The following LARGE1 variants were observed in gnomAD, a reference collection of about 807,000 sequenced individuals.
LARGE1 encodes xylosyl- and glucuronyltransferase LARGE1.
A neutral mutation model predicts 87.6 loss-of-function variants in LARGE1; 43 were observed. The ratio of observed to expected loss-of-function variants is 0.49; its 90% CI spans 0.38 to 0.63. The LOEUF (loss-of-function observed/expected upper bound fraction) is 0.63, where lower values mean the gene tolerates loss of function less well. LARGE1 is among the 30% of genes least tolerant of loss of function. The pLI, the probability that LARGE1 is intolerant of heterozygous loss-of-function variation, is 0.00. For missense variants in LARGE1, 802 were observed against 1,000.2 expected (o/e 0.80, Z 2.67); for synonymous variants, 434 against 394.6 (o/e 1.10, Z -1.18).
intron 6 of LARGE1, among the ~76,000 whole-genome samples, chr22:33,466,188 CCAACT>C (rs1361981684): frequency 1.3e-5 from 2 of 152,194 alleles, no homozygotes; most frequent in Non-Finnish European, 2.9e-5. Context: ...AATGCTCACC[CCAACT>C]CTTGTCATGG....
chr22:33,262,016 C>G lies in LARGE1; in HGVS notation c.1730+42213G>C, dbSNP rs985925705. On this transcript the variant is annotated intron_variant, in intron 11 of 11. Transcript: ENST00000608642. Reference sequence around the variant, plus strand: ...AAATAACGGATAAAGAAAGAGTTCTCTAGCAAACGATGCCATGTATTGATG... The same window carrying G: ...AAATAACGGATAAAGAAAGAGTTCTGTAGCAAACGATGCCATGTATTGATG... Among the ~76,000 whole-genome samples the G allele has an allele frequency of 1.2e-4, 19 of 152,352 alleles. 1 individual carries two copies. In the East Asian group the frequency reaches 3.7e-3, roughly 29 times the overall value.
intron 2 of LARGE1, among the ~76,000 whole-genome samples, chr22:33,752,526 T>C (rs142654685): frequency 0.011 from 1,616 of 152,338 alleles, 15 homozygotes; most frequent in Non-Finnish European, 0.018. Context: ...GATGAAGTAT[T>C]ATGGTCTTAA....
At chr22:33,339,272 A>T (rs2146594936) in intron 9 of LARGE1, among the ~76,000 whole-genome samples, 2 of 147,390 alleles carry the variant, frequency 1.4e-5, no homozygotes, top group Admixed American at 1.3e-4. Flanking sequence ...GGACAGAGGG[A>T]AGATGTGTTG....
intron 1 of LARGE1, among the ~76,000 whole-genome samples, chr22:33,798,798 A>G (rs1309275710): frequency 1.3e-5 from 2 of 152,182 alleles, no homozygotes; most frequent in African/African-American, 4.8e-5. Context: ...TGCAGACACC[A>G]TGACCCCACC....
intron 2 of LARGE1, among the ~76,000 whole-genome samples, chr22:33,693,743 G>C (rs2082165459): frequency 6.6e-6 from 1 of 152,040 alleles, no homozygotes; most frequent in African/African-American, 2.4e-5. Context: ...AGAATCACTT[G>C]AACCCCGGAG....
chr22:33,810,837 C>T (rs1305860531), intron 1 of LARGE1, among the ~76,000 whole-genome samples: 1 of 152,008 alleles, frequency 6.6e-6, no homozygotes, highest in Non-Finnish European at 1.5e-5. Flanking sequence ...AATTTCCCTG[C>T]CTCAGTCTCC....
chr22:33,719,214 G>A (rs2083004672), intron 2 of LARGE1, among the ~76,000 whole-genome samples: 2 of 152,366 alleles, frequency 1.3e-5, no homozygotes, highest in Admixed American at 1.3e-4. Context: ...GTTAGAAGCT[G>A]AGTGTTACGA....
intron 1 of LARGE1, among the ~76,000 whole-genome samples, chr22:33,902,483 A>T (rs576784699): frequency 6.6e-6 from 1 of 152,186 alleles, no homozygotes. Flanking sequence ...AGGGAGGTGA[A>T]AGGTCCAGAT....
intron 1 of LARGE1, among the ~76,000 whole-genome samples, chr22:33,835,870 C>A (rs139568146): frequency 3.7e-4 from 56 of 152,318 alleles, no homozygotes; most frequent in Middle Eastern, 3.4e-3. Context: ...GGAAAAAGAT[C>A]CAGATGAAGC....
intron 12 of LARGE1, among the ~76,000 whole-genome samples, chr22:33,297,210 G>T (rs900898892): frequency 1.3e-5 from 2 of 152,152 alleles, no homozygotes; most frequent in Non-Finnish European, 2.9e-5. Context: ...AAAATGTAAG[G>T]GGGTAGGTGG....
At chr22:33,427,969 CTAAA>C (rs1277747329) in intron 7 of LARGE1, among the ~76,000 whole-genome samples, 1 of 152,306 alleles carries the variant, frequency 6.6e-6, no homozygotes, top group Admixed American at 6.5e-5. Flanking sequence ...GATATGCGAA[CTAAA>C]TAGTCATTTT....
the LARGE1 span, among the ~76,000 whole-genome samples, chr22:33,106,816 C>T: frequency 6.6e-6 from 1 of 152,150 alleles, no homozygotes; most frequent in Admixed American, 6.5e-5. Flanking sequence ...TTTTAAATAG[C>T]AAAAACCGCA....
At chr22:33,545,155 C>T (rs1029597203) in intron 6 of LARGE1, among the ~76,000 whole-genome samples, 6 of 152,076 alleles carry the variant, frequency 3.9e-5, no homozygotes, top group African/African-American at 4.8e-5. Flanking sequence ...TCTAAATCTG[C>T]GCTTCCTTTT....
At chr22:33,736,283 C>T (rs2083654090) in intron 2 of LARGE1, among the ~76,000 whole-genome samples, 2 of 152,184 alleles carry the variant, frequency 1.3e-5, no homozygotes, top group African/African-American at 4.8e-5. Context: ...TCCGATTTCT[C>T]CATATCCTCT....
At chr22:33,756,757 C>T (rs539190109) in intron 2 of LARGE1, among the ~76,000 whole-genome samples, 17 of 152,182 alleles carry the variant, frequency 1.1e-4, no homozygotes, top group East Asian at 3.9e-4. Context: ...GTCTGAAGAA[C>T]GAAGCAGACC....
intron 1 of LARGE1, among the ~76,000 whole-genome samples, chr22:33,802,283 G>A (rs2086185664): frequency 6.6e-6 from 1 of 152,202 alleles, no homozygotes; most frequent in African/African-American, 2.4e-5. Flanking sequence ...AACAGCAAGG[G>A]AAGCACTACA....
intron 10 of LARGE1, among the ~76,000 whole-genome samples, chr22:33,316,748 A>T (rs1227543308): frequency 6.6e-6 from 1 of 152,140 alleles, no homozygotes; most frequent in African/African-American, 2.4e-5. Flanking sequence ...AAACAAAAAC[A>T]AACAAAGAAA....
At chr22:33,328,460 A>C (rs1937431136) in intron 10 of LARGE1, among the ~76,000 whole-genome samples, 1 of 151,948 alleles carries the variant, frequency 6.6e-6, no homozygotes, top group South Asian at 2.1e-4. Flanking sequence ...GGTGCCTGTA[A>C]TCCCAGCTAC....
intron 2 of LARGE1, among the ~76,000 whole-genome samples, chr22:33,745,627 G>C (rs1402389777): frequency 1.3e-5 from 2 of 152,196 alleles, no homozygotes; most frequent in African/African-American, 4.8e-5. Context: ...TTCTAGGAAA[G>C]GAAAGGCGAG....
Sources: allele counts gnomAD v4.1 joint callset (sites outside exome capture counted in the v4.1 genomes callset), GRCh38; gene constraint gnomAD v4.1.1; transcripts MANE v1.5; gene names NCBI Gene and HGNC (gene_info 2026-07-23, HGNC 2026-07-21).